Variants in AFF3 observed in about 807,000 individuals in gnomAD.
AFF3 encodes ALF transcription elongation factor 3.
Under a neutral mutation model 129.7 loss-of-function variants are expected in AFF3, and 32 were observed. The ratio of observed to expected loss-of-function variants is 0.25; its 90% CI spans 0.19 to 0.33. The LOEUF (loss-of-function observed/expected upper bound fraction) is 0.33, where lower values mean the gene tolerates loss of function less well. Ranked by LOEUF, AFF3 falls within the 10% of genes least tolerant of loss-of-function variation. The pLI is 1.00. For synonymous variants in AFF3, 644 were observed against 635.4 expected (o/e 1.01, Z -0.20); for missense variants, 1,373 against 1,592.0 (o/e 0.86, Z 2.34).
intron 16 of AFF3, among the ~76,000 whole-genome samples, chr2:99,584,981 G>A (rs13405848): frequency 1.1e-4 from 17 of 152,196 alleles, no homozygotes; most frequent in African/African-American, 3.9e-4. Context: ...GGATACATGT[G>A]GGGATAGCAT....
chr2:99,892,187 C>T (rs182807101), intron 7 of AFF3, among the ~76,000 whole-genome samples: 1 of 152,208 alleles, frequency 6.6e-6, no homozygotes, highest in African/African-American at 2.4e-5. Context: ...AATATATGGG[C>T]TCCAAAATAA....
intron 4 of AFF3, among the ~76,000 whole-genome samples, chr2:100,099,874 CTCT>C (rs1392329289): frequency 6.6e-6 from 1 of 151,544 alleles, no homozygotes; most frequent in Non-Finnish European, 1.5e-5. Flanking sequence ...TTTCATGATG[CTCT>C]TGTTTCACTT....
chr2:99,749,770 T>A (rs1681475354), intron 9 of AFF3, among the ~76,000 whole-genome samples: 1 of 152,198 alleles, frequency 6.6e-6, no homozygotes, highest in African/African-American at 2.4e-5. Flanking sequence ...TACTATATGA[T>A]CCTTCACTGA....
intron 10 of AFF3, among the ~76,000 whole-genome samples, chr2:99,738,713 G>A (rs988169130): frequency 3.9e-5 from 6 of 152,066 alleles, no homozygotes; most frequent in Non-Finnish European, 7.4e-5. Context: ...GTAGGGAAGA[G>A]CTGATTTATG....
chr2:99,594,986 T>G (rs1361701623), intron 14 of AFF3, among the ~76,000 whole-genome samples: 1 of 152,218 alleles, frequency 6.6e-6, no homozygotes, highest in African/African-American at 2.4e-5. Context: ...GCAAGCAGGT[T>G]TGCTAACTTA....
rs180774706 is a variant in AFF3 at position 99,896,270 on chromosome 2, G to A, written c.874-58746C>T. ...AAATTTGTATGAAACTGTGTACTAT[G>A]GAATGCACCAAACATTCTGCATTGA... On this transcript the variant is annotated intron_variant, in intron 7 of 24. Transcript: ENST00000672756. Among the ~76,000 whole-genome samples, 43 of 152,138 alleles carry A rather than the reference G, an allele frequency of 2.8e-4. 1 individual carries two copies. Among genetic ancestry groups the A allele is most frequent in the African/African-American group, 1.0e-3 (42 of 41,500 alleles).
chr2:99,625,561 G>C (rs779208435), intron 13 of AFF3, among the ~76,000 whole-genome samples: 4 of 152,128 alleles, frequency 2.6e-5, no homozygotes, highest in Non-Finnish European at 4.4e-5. Context: ...ATGTGCAGGA[G>C]ATTTCCTGCT....
chr2:99,584,527 T>A (rs1206452858), intron 16 of AFF3, among the ~76,000 whole-genome samples: 1 of 152,138 alleles, frequency 6.6e-6, no homozygotes, highest in Non-Finnish European at 1.5e-5. Context: ...GAAGTTACAG[T>A]TTCTGATTCC....
intron 2 of AFF3, among the ~76,000 whole-genome samples, chr2:100,113,322 T>C (rs1420386033): frequency 2.0e-5 from 3 of 152,248 alleles, no homozygotes; most frequent in African/African-American, 7.2e-5. Context: ...ACACACATCT[T>C]AATGCACTTA....
intron 8 of AFF3, among the ~76,000 whole-genome samples, chr2:99,765,903 A>C (rs1682969224): frequency 6.6e-6 from 1 of 152,250 alleles, no homozygotes; most frequent in African/African-American, 2.4e-5. Flanking sequence ...CATAAAGGGA[A>C]GGAAGAATGC....
intron 18 of AFF3, among the ~76,000 whole-genome samples, chr2:99,575,731 T>G (rs1676929479): frequency 6.6e-6 from 1 of 152,182 alleles, no homozygotes; most frequent in Non-Finnish European, 1.5e-5. Context: ...TGTAACAGTG[T>G]TTTTTTATTC....
chr2:99,975,711 C>G (rs1293097083), intron 7 of AFF3, among the ~76,000 whole-genome samples: 1 of 148,636 alleles, frequency 6.7e-6, no homozygotes, highest in East Asian at 2.0e-4. Context: ...ATTGTGGACA[C>G]AGCCCTTTTT....
chr2:99,688,836 G>A (rs891320290), intron 11 of AFF3, among the ~76,000 whole-genome samples: 6 of 152,062 alleles, frequency 3.9e-5, no homozygotes, highest in Non-Finnish European at 8.8e-5. Flanking sequence ...TTTATCTCAC[G>A]GGCATCTTCA....
intron 13 of AFF3, among the ~76,000 whole-genome samples, chr2:99,604,525 A>G (rs752573523): frequency 2.6e-5 from 4 of 152,020 alleles, no homozygotes; most frequent in Non-Finnish European, 4.4e-5. Flanking sequence ...TAATGGGTAC[A>G]GGCTTAATAT....
chr2:99,721,398 A>G (rs1678873542), intron 11 of AFF3, among the ~76,000 whole-genome samples: 1 of 151,970 alleles, frequency 6.6e-6, no homozygotes, highest in Non-Finnish European at 1.5e-5. Context: ...GCATGGTGGC[A>G]CGCACCTGTA....
chr2:100,046,043 C>T lies in AFF3; in HGVS notation c.54-37111G>A, dbSNP rs536474883. Among the ~76,000 whole-genome samples, 14 of 152,276 alleles carry T rather than the reference C, an allele frequency of 9.2e-5. No homozygotes were observed. In the South Asian group the frequency reaches 2.1e-3, roughly 23 times the overall value. On this transcript the variant is annotated intron_variant, in intron 4 of 24. Coordinates refer to ENST00000672756, the MANE Select transcript of AFF3 (RefSeq NM_001386135.1). ...GCTGTTCAAGGGTCAACAGCACACA[C>T]TCCTGAGTTCCAAGAATAGTCTACC...
rs183828236 is a variant in AFF3 at position 99,849,087 on chromosome 2, T to C, written c.874-11563A>G. Among the ~76,000 whole-genome samples the C allele has an allele frequency of 1.6e-3, 238 of 152,168 alleles. 1 individual carries two copies. Among genetic ancestry groups the C allele is most frequent in the African/African-American group, 5.6e-3 (231 of 41,526 alleles). ...GTAGTGTGAAATGGTACAAAATCAA[T>C]GGATGACAGAGAAAAGCATGATTCC... On this transcript the variant is annotated intron_variant, in intron 7 of 24. Transcript: ENST00000672756.
chr2:99,818,451 A>C (rs1292259050), intron 8 of AFF3, among the ~76,000 whole-genome samples: 1 of 152,200 alleles, frequency 6.6e-6, no homozygotes, highest in African/African-American at 2.4e-5. Flanking sequence ...AATGAATGTC[A>C]ATCAATTTCC....
chr2:99,638,599 T>G (rs1327446337), intron 13 of AFF3, among the ~76,000 whole-genome samples: 1 of 152,132 alleles, frequency 6.6e-6, no homozygotes, highest in South Asian at 2.1e-4. Flanking sequence ...GCAGGAAGTC[T>G]TCTCCACTAG....
Sources: gnomAD v4.1 joint callset for allele counts (sites outside exome capture counted in the v4.1 genomes callset) on GRCh38, gnomAD v4.1.1 for gene constraint, MANE v1.5 for transcripts, NCBI Gene and HGNC (gene_info 2026-07-23, HGNC 2026-07-21) for gene names.